Variants in GMDS observed in about 807,000 individuals in gnomAD.
GMDS encodes the protein GDP-mannose 4,6 dehydratase.
Under a neutral mutation model 49.9 loss-of-function variants are expected in GMDS, and 20 were observed. That is an observed-to-expected ratio of 0.40 (90% CI 0.28 to 0.58). The LOEUF is 0.58. Ranked by LOEUF, GMDS falls within the 20% of genes least tolerant of loss-of-function variation. The probability of loss-of-function intolerance (pLI) is 0.42; values close to 1 mark genes in which losing one functional copy is unlikely to be tolerated. For missense variants in GMDS, 362 were observed against 481.4 expected, an observed-to-expected ratio of 0.75 and a Z score of 2.32; for synonymous variants, 177 against 178.6, an observed-to-expected ratio of 0.99 and a Z score of 0.07.
At chr6:1,654,135 T>C (rs762896614) in intron 9 of GMDS, among the ~76,000 whole-genome samples, 1 of 152,190 alleles carries the variant, frequency 6.6e-6, no homozygotes, top group Non-Finnish European at 1.5e-5. Flanking sequence ...ATGTAGAAAC[T>C]GGAATCCTTG....
chr6:2,210,640 C>T (rs9503124), intron 1 of GMDS, among the ~76,000 whole-genome samples: 3,562 of 152,298 alleles, frequency 0.023, 147 homozygotes, highest in African/African-American at 0.079. Flanking sequence ...GGTCTGCTTA[C>T]TCCCAAGGTG....
chr6:1,741,027 G>A (rs995258444), intron 8 of GMDS, among the ~76,000 whole-genome samples: 4 of 152,060 alleles, frequency 2.6e-5, no homozygotes, highest in Non-Finnish European at 5.9e-5. Flanking sequence ...TTTTCTGAGT[G>A]TTCTTATTTT....
intron 7 of GMDS, among the ~76,000 whole-genome samples, chr6:1,834,988 G>A (rs1231470748): frequency 6.6e-6 from 1 of 152,140 alleles, no homozygotes; most frequent in Non-Finnish European, 1.5e-5. Context: ...ACAGATGCAA[G>A]CAAATCACAT....
Position 1,683,162 on chromosome 6 carries a change from T to G in GMDS, c.987+43254A>C, listed in dbSNP as rs201869728. On this transcript the variant is annotated intron_variant, in intron 9 of 10. Coordinates refer to ENST00000380815, the MANE Select transcript of GMDS (RefSeq NM_001500.4). The stretch of plus-strand genomic sequence containing the variant: ...TTTTTGAGTCAGAGTCTTGCTCTGT[T>G]GCCCAGGCTGGAGTGCAGTGGTGCA... Among the ~76,000 whole-genome samples the G allele has an allele frequency of 5.1e-4, 77 of 152,262 alleles. 1 individual carries two copies. In the East Asian group the frequency reaches 9.1e-3, roughly 18 times the overall value.
intron 4 of GMDS, among the ~76,000 whole-genome samples, chr6:1,969,289 A>AAAAAAAAAAAAAAAAAAAAAAAAAAG (rs56095985): frequency 1.2e-5 from 1 of 84,354 alleles, no homozygotes; most frequent in Non-Finnish European, 2.3e-5. Flanking sequence ...AAAAAAAAAA[A>AAAAAAAAAAAAAAAAAAAAAAAAAAG]AGAGAAAGAA....
intron 6 of GMDS, among the ~76,000 whole-genome samples, chr6:1,944,730 G>A (rs900750316): frequency 6.6e-6 from 1 of 150,978 alleles, no homozygotes; most frequent in African/African-American, 2.4e-5. Context: ...AAATAGTATT[G>A]GCTTATAGCC....
chr6:1,981,958 C>T (rs1765243892), intron 4 of GMDS, among the ~76,000 whole-genome samples: 1 of 152,098 alleles, frequency 6.6e-6, no homozygotes, highest in South Asian at 2.1e-4. Flanking sequence ...AAAGGCCTTC[C>T]ATAAAATTCA....
chr6:2,170,395 A>G (rs962397894), intron 1 of GMDS, among the ~76,000 whole-genome samples: 1 of 152,122 alleles, frequency 6.6e-6, no homozygotes, highest in African/African-American at 2.4e-5. Context: ...GAAGGCCAAG[A>G]CAGGAGGATA....
At chr6:2,035,799 A>C (rs1269150679) in intron 4 of GMDS, among the ~76,000 whole-genome samples, 1 of 151,870 alleles carries the variant, frequency 6.6e-6, no homozygotes, top group Non-Finnish European at 1.5e-5. Flanking sequence ...TGATTCTCCC[A>C]CCTCAGCCTC....
chr6:1,663,883 T>C (rs1288830012), intron 9 of GMDS, among the ~76,000 whole-genome samples: 1 of 152,188 alleles, frequency 6.6e-6, no homozygotes. Context: ...ATGTTTGTGG[T>C]CTGTGCCCTC....
chr6:2,012,195 G>A (rs1328965866), intron 4 of GMDS, among the ~76,000 whole-genome samples: 1 of 151,968 alleles, frequency 6.6e-6, no homozygotes, highest in East Asian at 1.9e-4. Flanking sequence ...TAAAAACCCA[G>A]ATTTCGCCAC....
chr6:1,951,963 G>T (rs1262141043), intron 6 of GMDS: 7 of 983,446 alleles, frequency 7.1e-6, no homozygotes, highest in Non-Finnish European at 8.5e-6. Flanking sequence ...TGTCACAGGG[G>T]TTTCTTTGCT....
intron 1 of GMDS, among the ~76,000 whole-genome samples, chr6:2,198,531 C>A (rs567172683): frequency 1.4e-5 from 2 of 144,792 alleles, no homozygotes. Flanking sequence ...AATCATGTTC[C>A]AGAGATCACT....
chr6:2,068,875 C>T (rs1318378248), intron 4 of GMDS, among the ~76,000 whole-genome samples: 2 of 152,170 alleles, frequency 1.3e-5, no homozygotes, highest in Non-Finnish European at 2.9e-5. Flanking sequence ...CCATCCCCAT[C>T]AAGCTACCAA....
chr6:2,235,276 T>C (rs1355980140), intron 1 of GMDS, among the ~76,000 whole-genome samples: 1 of 152,238 alleles, frequency 6.6e-6, no homozygotes, highest in Non-Finnish European at 1.5e-5. Context: ...GCTAGACTTC[T>C]TCAGGCCAAC....
chr6:2,124,038 A>C (rs1208211897), intron 2 of GMDS, among the ~76,000 whole-genome samples: 1 of 145,858 alleles, frequency 6.9e-6, no homozygotes, highest in African/African-American at 2.8e-5. Context: ...GCCACTGTAA[A>C]GGTTTTTTTT....
intron 1 of GMDS, among the ~76,000 whole-genome samples, chr6:2,215,592 A>T (rs12216224): frequency 6.6e-6 from 1 of 151,664 alleles, no homozygotes; most frequent in South Asian, 2.1e-4. Context: ...CAGCCAAACC[A>T]TATCAGTGGG....
intron 7 of GMDS, among the ~76,000 whole-genome samples, chr6:1,819,515 C>T (rs1016603688): frequency 2.6e-5 from 4 of 152,032 alleles, no homozygotes; most frequent in African/African-American, 9.7e-5. Flanking sequence ...AATCCCAGCA[C>T]TTTGGGAGGC....
chr6:1,847,706 G>A (rs1318339200), intron 7 of GMDS, among the ~76,000 whole-genome samples: 1 of 152,134 alleles, frequency 6.6e-6, no homozygotes, highest in African/African-American at 2.4e-5. Context: ...GCCCCTATTA[G>A]GAAGGTTTAC....
Sources: allele counts gnomAD v4.1 joint callset (sites outside exome capture counted in the v4.1 genomes callset), GRCh38; gene constraint gnomAD v4.1.1; transcripts MANE v1.5; gene names NCBI Gene and HGNC (gene_info 2026-07-23, HGNC 2026-07-21).